BTRC: variants seen among roughly 807,000 people sequenced by gnomAD.
The protein encoded by BTRC is F-box/WD repeat-containing protein 1A.
In BTRC, 42 loss-of-function variants were observed where a neutral mutation model predicts 85.5. That is an observed-to-expected ratio of 0.49 (90% CI 0.38 to 0.64). The LOEUF (loss-of-function observed/expected upper bound fraction) is 0.64, where lower values mean the gene tolerates loss of function less well. Ranked by LOEUF, BTRC falls within the 30% of genes least tolerant of loss-of-function variation. BTRC has a pLI of 0.00. For synonymous variants in BTRC, 255 were observed against 263.3 expected, an observed-to-expected ratio of 0.97 and a Z score of 0.30; for missense variants, 594 against 743.5, an observed-to-expected ratio of 0.80 and a Z score of 2.34.
chr10:101,407,980 C>G (rs1479492046), intron 1 of BTRC, among the ~76,000 whole-genome samples: 1 of 152,140 alleles, frequency 6.6e-6, no homozygotes, highest in Non-Finnish European at 1.5e-5. Flanking sequence ...CCTCGGCCTC[C>G]CAAAGTGCTG....
intron 2 of BTRC, among the ~76,000 whole-genome samples, chr10:101,455,528 G>C (rs146322119): frequency 3.7e-4 from 56 of 152,234 alleles, no homozygotes; most frequent in African/African-American, 1.3e-3. Context: ...TCTAACTGCA[G>C]GTTAGGCGTA....
At chr10:101,483,046 G>A (rs1453124277) in intron 4 of BTRC, among the ~76,000 whole-genome samples, 6 of 152,182 alleles carry the variant, frequency 3.9e-5, no homozygotes, top group Non-Finnish European at 8.8e-5. Context: ...TATGGTTCAT[G>A]TAAGTTTTAG....
intron 3 of BTRC, among the ~76,000 whole-genome samples, chr10:101,477,366 T>A (rs1443611975): frequency 6.6e-6 from 1 of 152,112 alleles, no homozygotes; most frequent in Admixed American, 6.5e-5. Context: ...TTGATAAACA[T>A]AATTTATACC....
chr10:101,492,149 T>C (rs1378939739), intron 4 of BTRC, among the ~76,000 whole-genome samples: 1 of 152,200 alleles, frequency 6.6e-6, no homozygotes, highest in Non-Finnish European at 1.5e-5. Context: ...TGAACATAAA[T>C]TTATGTTTTA....
chr10:101,372,047 C>T (rs1023565047), intron 1 of BTRC, among the ~76,000 whole-genome samples: 5 of 151,932 alleles, frequency 3.3e-5, no homozygotes, highest in African/African-American at 7.3e-5. Context: ...TCATTTTTGT[C>T]ATATTAATGT....
chr10:101,357,105 G>A (rs1311080076), intron 1 of BTRC, among the ~76,000 whole-genome samples: 1 of 151,046 alleles, frequency 6.6e-6, no homozygotes, highest in African/African-American at 2.4e-5. Context: ...CTCCAGCCTG[G>A]GCGACAGAGC....
In BTRC at chr10:101,533,012, C is replaced by A; in HGVS notation, c.1039C>A (p.Leu347Ile). Reference protein sequence around the residue: ...RILTGHTGSVLCLQYDERVII... With the variant: ...RILTGHTGSVICLQYDERVII... Reference sequence around the variant, plus strand: ...TCTCACAGGCCATACAGGTTCAGTCCTCTGTCTCCAGTATGATGAGAGAGT... The same window carrying A: ...TCTCACAGGCCATACAGGTTCAGTCATCTGTCTCCAGTATGATGAGAGAGT... The change falls in exon 9 of 15, where the codon CTC (leucine) becomes ATC (isoleucine). Residue 347 changes from leucine (L) to isoleucine (I), a missense_variant. Around this residue, in one of 4 missense-constraint regions of BTRC, gnomAD observed 373 missense variants for 503.6 expected, o/e 0.74. Coordinates refer to ENST00000370187, the MANE Select transcript of BTRC (RefSeq NM_033637.4). 6.2e-7 allele frequency: 1 copy of A among 1,613,556 alleles called. No homozygotes were observed. Among genetic ancestry groups the A allele is most frequent in the East Asian group, 2.2e-5 (1 of 44,852 alleles).
At chr10:101,520,468 G>A (rs1402355334) in intron 4 of BTRC, among the ~76,000 whole-genome samples, 1 of 152,178 alleles carries the variant, frequency 6.6e-6, no homozygotes, top group Admixed American at 6.5e-5. Context: ...GCACATTATA[G>A]AGGTTCAGTA....
At chr10:101,426,202 GTAA>G (rs761916228) in intron 1 of BTRC, among the ~76,000 whole-genome samples, 59 of 152,250 alleles carry the variant, frequency 3.9e-4, no homozygotes, top group African/African-American at 6.3e-4. Flanking sequence ...CATTTATTTT[GTAA>G]TAATATTTTT....
At chr10:101,437,419 G>GCA (rs148882139) in intron 2 of BTRC, among the ~76,000 whole-genome samples, 7 of 151,626 alleles carry the variant, frequency 4.6e-5, no homozygotes, top group Non-Finnish European at 7.4e-5. Context: ...GCCTGTGCGT[G>GCA]CACACACACA....
intron 1 of BTRC, among the ~76,000 whole-genome samples, chr10:101,381,866 A>C (rs1942937318): frequency 6.6e-6 from 1 of 151,782 alleles, no homozygotes; most frequent in Non-Finnish European, 1.5e-5. Flanking sequence ...ACCTCAATAC[A>C]AGATCCCACT....
chr10:101,401,496 A>G (rs904609799), intron 1 of BTRC, among the ~76,000 whole-genome samples: 1 of 152,174 alleles, frequency 6.6e-6, no homozygotes, highest in Non-Finnish European at 1.5e-5. Context: ...TGTAGCATCA[A>G]AGCAGTGTTG....
intron 1 of BTRC, among the ~76,000 whole-genome samples, chr10:101,363,314 C>CT (rs962308459): frequency 1.1e-4 from 17 of 152,288 alleles, no homozygotes; most frequent in African/African-American, 4.1e-4. Context: ...GTGCAGTATA[C>CT]TTCCTCTTTG....
At chr10:101,360,710 C>T (rs928180871) in intron 1 of BTRC, among the ~76,000 whole-genome samples, 3 of 152,094 alleles carry the variant, frequency 2.0e-5, no homozygotes, top group African/African-American at 7.2e-5. Flanking sequence ...GCCAGGTTGG[C>T]CTTGAACTCA....
At chr10:101,408,727 C>T (rs1943696207) in intron 1 of BTRC, among the ~76,000 whole-genome samples, 1 of 151,974 alleles carries the variant, frequency 6.6e-6, no homozygotes. Flanking sequence ...TTAATGATTG[C>T]TTTAGAGGTG....
At position 101,534,928 on chromosome 10, in the gene BTRC, A is replaced by G; in HGVS notation, c.1347+18A>G. ...CTATAAAGGTAATAAGGCATTTTTC[A>G]GTAAGTTTCCAACTTAGAATGGGGG... On this transcript the variant is annotated intron_variant, in intron 10 of 14. Coordinates refer to ENST00000370187, the MANE Select transcript of BTRC (RefSeq NM_033637.4). 3 of 1,604,336 alleles carry G rather than the reference A, an allele frequency of 1.9e-6. No homozygotes were observed. The highest frequency in any genetic ancestry group is 1.3e-5 in the African/African-American group (1 of 74,874).
chr10:101,467,463 G>T (rs912377860), intron 3 of BTRC, among the ~76,000 whole-genome samples: 1 of 151,780 alleles, frequency 6.6e-6, no homozygotes, highest in Non-Finnish European at 1.5e-5. Context: ...ATCTGCCGTT[G>T]CTTTGTGTTA....
intron 13 of BTRC, among the ~76,000 whole-genome samples, chr10:101,544,216 G>T (rs1421501485): frequency 6.6e-6 from 1 of 152,104 alleles, no homozygotes; most frequent in Non-Finnish European, 1.5e-5. Context: ...GCCTTTTAAA[G>T]AAATTTTTTA....
At chr10:101,355,560 T>C (rs930747187) in intron 1 of BTRC, among the ~76,000 whole-genome samples, 4 of 152,198 alleles carry the variant, frequency 2.6e-5, no homozygotes, top group African/African-American at 7.2e-5. Flanking sequence ...ACAGGTGGCC[T>C]TAGGGACATT....
Sources: gnomAD v4.1 joint callset for allele counts (sites outside exome capture counted in the v4.1 genomes callset) on GRCh38, gnomAD v4.1.1 for gene constraint, gnomAD v4.1.1 regional missense constraint, MANE v1.5 for transcripts, NCBI Gene and HGNC (gene_info 2026-07-23, HGNC 2026-07-21) for gene names.